ISY1: variants seen among roughly 807,000 people sequenced by gnomAD.
The protein encoded by ISY1 is pre-mRNA-splicing factor ISY1 homolog.
A neutral mutation model predicts 54.4 loss-of-function variants in ISY1; 12 were observed. That is an observed-to-expected ratio of 0.22 (90% CI 0.14 to 0.36). ISY1 has a LOEUF of 0.36. ISY1 is among the 10% of genes least tolerant of loss of function. ISY1 has a pLI of 1.00. For synonymous variants in ISY1, 96 were observed against 117.9 expected, an observed-to-expected ratio of 0.81 and a Z score of 1.20; for missense variants, 282 against 342.2, an observed-to-expected ratio of 0.82 and a Z score of 1.39.
chr3:129,154,549 TA>T lies in ISY1; in HGVS notation c.187+2083del, dbSNP rs1292178936. ...ATCTAAGTTGTCAAATTTATGGGCA[TA>T]ACATTGTCTGTAATATTTCCTTATT... On this transcript the variant is annotated intron_variant, in intron 5 of 10. Coordinates refer to ENST00000393295, the MANE Select transcript of ISY1 (RefSeq NM_020701.4). 4.0e-5 allele frequency among the ~76,000 whole-genome samples: 6 copies of T among 151,856 alleles called. No homozygotes were observed. The East Asian group carries it at 1.2e-3, about 29-fold the overall frequency.
intron 9 of ISY1, 146 bp downstream of exon 9, chr3:129,133,928 T>G: frequency 7.1e-7 from 1 of 1,408,290 alleles, no homozygotes; most frequent in Non-Finnish European, 9.5e-7. Flanking sequence ...TCCTGTAATC[T>G]CGCAAGTGTT....
At chr3:129,141,801 A>T (rs1186730193) in intron 6 of ISY1, among the ~76,000 whole-genome samples, 1 of 151,976 alleles carries the variant, frequency 6.6e-6, no homozygotes, top group Admixed American at 6.6e-5. Flanking sequence ...AAATAAAGAT[A>T]AAAAACACGA....
intron 9 of ISY1, among the ~76,000 whole-genome samples, chr3:129,133,637 T>C (rs1001500848): frequency 6.6e-6 from 1 of 152,172 alleles, no homozygotes; most frequent in African/African-American, 2.4e-5. Flanking sequence ...GAGGTTGCAG[T>C]GAGCCAAGAT....
rs754472498 is a variant in ISY1, at chr3:129,134,970, A to G, written c.419-16T>C. On this transcript the variant is annotated splice_polypyrimidine_tract_variant and intron_variant, in intron 7 of 10. Transcript: ENST00000393295. Reference sequence around the variant, plus strand: ...GGAGGAAGAGCTATAAGAAACAGAAATGGAGCTGAGTTTCCAAGTCATAAT... The same window carrying G: ...GGAGGAAGAGCTATAAGAAACAGAAGTGGAGCTGAGTTTCCAAGTCATAAT... The G allele has an allele frequency of 1.1e-5, 17 of 1,595,326 alleles. No homozygotes were observed. In the African/African-American group the frequency reaches 1.9e-4, roughly 18 times the overall value.
chr3:129,139,076 A>G (rs1375223070), intron 7 of ISY1, among the ~76,000 whole-genome samples: 3 of 151,252 alleles, frequency 2.0e-5, no homozygotes, highest in Admixed American at 6.6e-5. Context: ...CTGGGATTAC[A>G]GGTGCCTGCC....
Position 129,161,037 on chromosome 3 carries a change from C to G in ISY1, c.-62G>C, listed in dbSNP as rs1415127614. 8.4e-6 allele frequency: 13 copies of G among 1,543,188 alleles called. No homozygotes were observed. The highest frequency in any genetic ancestry group is 1.0e-5 in the Non-Finnish European group (12 of 1,144,352). ...CCCTGTCCAAGAAACTCCACAGGCCCAGAAGACGCCGACGCTCACAGGAAC... is the reference window on the plus strand; with the variant it reads ...CCCTGTCCAAGAAACTCCACAGGCCGAGAAGACGCCGACGCTCACAGGAAC... On this transcript the variant is annotated 5_prime_UTR_variant, in exon 1 of 11. Transcript: ENST00000393295.
intron 7 of ISY1, among the ~76,000 whole-genome samples, chr3:129,135,195 A>G (rs564962360): frequency 1.3e-5 from 2 of 152,150 alleles, no homozygotes; most frequent in African/African-American, 4.8e-5. Context: ...AAAAATACAA[A>G]AATTAGCCGG....
rs74269425 is a variant in ISY1, at chr3:129,160,026, CT to C, written c.4-851del. On this transcript the variant is annotated intron_variant, in intron 1 of 10. Transcript: ENST00000393295. ...TACCTTCTCACAGAAACGGCTACTA[CT>C]TTTTTTTTTTTTCTTTGAGACGGAG... 2.8e-3 allele frequency among the ~76,000 whole-genome samples: 411 copies of C among 146,920 alleles called. 1 individual carries two copies. The highest frequency in any genetic ancestry group is 0.018 in the Middle Eastern group (5 of 284).
rs760052978 is a variant in ISY1, at chr3:129,156,674, A to T, written c.146T>A (p.Ile49Asn). 2 of 1,605,130 alleles carry T rather than the reference A, an allele frequency of 1.2e-6. No individual in the cohort carries two copies. Among genetic ancestry groups the T allele is most frequent in the South Asian group, 2.3e-5 (2 of 88,024 alleles). Residue 49 changes from isoleucine to asparagine, a missense_variant and splice_region_variant, in exon 5 of 11, where the codon ATC (isoleucine) becomes AAC (asparagine). Ile to Asn is a moderately radical substitution (Grantham distance 149). Coordinates refer to ENST00000393295, the MANE Select transcript of ISY1 (RefSeq NM_020701.4). The part of the protein sequence containing the change: ...LPKAEKWRRQ[I>N]IGEISKKVAQ... ...CACTTTTTTAGAGATCTCTCCAATGATCTATTAAAAAAAAGTAATACATTT... is the reference window on the plus strand; with the variant it reads ...CACTTTTTTAGAGATCTCTCCAATGTTCTATTAAAAAAAAGTAATACATTT...
intron 9 of ISY1, among the ~76,000 whole-genome samples, chr3:129,132,092 A>G (rs116674057): frequency 0.013 from 1,937 of 152,158 alleles, 34 homozygotes; most frequent in African/African-American, 0.045. Context: ...AGCCTCCCAA[A>G]GTATTAGGAT....
chr3:129,159,691 G>C (rs1211441607), intron 1 of ISY1, among the ~76,000 whole-genome samples: 1 of 152,166 alleles, frequency 6.6e-6, no homozygotes, highest in African/African-American at 2.4e-5. Context: ...CGAGTTTTCT[G>C]GGTTGTAGTC....
chr3:129,148,567 CATTTT>C lies in ISY1; in HGVS notation c.188-2699_188-2695del, dbSNP rs371792910. ...ATGAAAAGATGCTCATTTGCATCTA[CATTTT>C]ATTTTATGTTTTGAGACAGTCTCAC... On this transcript the variant is annotated intron_variant, in intron 5 of 10. Transcript: ENST00000393295. Among the ~76,000 whole-genome samples, 177 of 152,276 alleles carry C rather than the reference CATTTT, an allele frequency of 1.2e-3. 3 individuals carry two copies. The highest frequency in any genetic ancestry group is 3.4e-3 in the African/African-American group (142 of 41,582).
At chr3:129,159,850 A>G (rs1937252513) in intron 1 of ISY1, among the ~76,000 whole-genome samples, 1 of 152,188 alleles carries the variant, frequency 6.6e-6, no homozygotes, top group Non-Finnish European at 1.5e-5. Flanking sequence ...CGATATCTTC[A>G]TGAGACAAAT....
rs1005635009 is a variant in ISY1, at chr3:129,128,193, G to C, written c.*1888C>G. The C allele has an allele frequency of 3.3e-5, 5 of 153,026 alleles. No homozygotes were observed. Among genetic ancestry groups the C allele is most frequent in the African/African-American group, 9.7e-5 (4 of 41,450 alleles). The allele number at this position is 153,026 out of a possible 1,614,324, so 9.5% of individuals were successfully genotyped here. A position where few individuals can be genotyped will look rare whatever the true frequency, so the allele number is the denominator to read the frequency against. Reference sequence around the variant, plus strand: ...ATTCACTCCTGAGTCCCCACCTGCAGGCCCAAGCTGGGTGCTGGGTCCCAG... The same window carrying C: ...ATTCACTCCTGAGTCCCCACCTGCACGCCCAAGCTGGGTGCTGGGTCCCAG... On this transcript the variant is annotated 3_prime_UTR_variant, in exon 11 of 11. Coordinates refer to ENST00000393295, the MANE Select transcript of ISY1 (RefSeq NM_020701.4).
At chr3:129,144,824 G>A (rs1252430027) in intron 6 of ISY1, among the ~76,000 whole-genome samples, 1 of 152,148 alleles carries the variant, frequency 6.6e-6, no homozygotes, top group East Asian at 1.9e-4. Flanking sequence ...AGGACAGAAT[G>A]TAGTGTCTCT....
chr3:129,130,506 A>G (rs1279312029), intron 10 of ISY1, 44 bp downstream of exon 10: 20 of 1,608,212 alleles, frequency 1.2e-5, no homozygotes, highest in Non-Finnish European at 1.7e-5. Context: ...AGTCTGCTTT[A>G]GAGAAGCCCC....
At chr3:129,154,949 A>G (rs1248183689) in intron 5 of ISY1, among the ~76,000 whole-genome samples, 1 of 151,950 alleles carries the variant, frequency 6.6e-6, no homozygotes, top group Non-Finnish European at 1.5e-5. Flanking sequence ...CGGCCTCCCA[A>G]AGTGCTGGGA....
intron 7 of ISY1, among the ~76,000 whole-genome samples, chr3:129,140,125 T>C (rs1433434141): frequency 6.6e-6 from 1 of 152,230 alleles, no homozygotes; most frequent in Non-Finnish European, 1.5e-5. Flanking sequence ...GATTAGCACC[T>C]GCCAAAGGCA....
Position 129,134,841 on chromosome 3 carries a change from C to T in ISY1, c.532G>A (p.Glu178Lys). ...ATGCCCAGAGACCTACGTTTCTTTT[C>T]ATATTCCTGTTCCAAAGGCACAATA... is the stretch of plus-strand genomic sequence containing the variant. ...GVIVPLEQEY[E>K]KKLRAELVEK... The change falls in exon 8 of 11, where the codon GAA becomes AAA. Residue 178 changes from glutamate to lysine, a missense_variant. Physicochemically the swap from Glu to Lys is moderately conservative, Grantham distance 56. Around this residue, in one of 2 missense-constraint regions of ISY1, gnomAD observed 279 missense variants for 323.6 expected, o/e 0.86. Transcript: ENST00000393295. 6.2e-7 allele frequency: 1 copy of T among 1,608,084 alleles called. No homozygotes were observed. The highest frequency in any genetic ancestry group is 8.5e-7 in the Non-Finnish European group (1 of 1,176,216).
Sources: gnomAD v4.1 joint callset for allele counts (sites outside exome capture counted in the v4.1 genomes callset) on GRCh38, gnomAD v4.1.1 for gene constraint, gnomAD v4.1.1 regional missense constraint, MANE v1.5 for transcripts, NCBI Gene and HGNC (gene_info 2026-07-23, HGNC 2026-07-21) for gene names.